The following GNAZ variants were observed in gnomAD, a reference collection of about 807,000 sequenced individuals.
GNAZ encodes guanine nucleotide-binding protein G(z) subunit alpha.
A neutral mutation model predicts 25.4 loss-of-function variants in GNAZ; 3 were observed. That is an observed-to-expected ratio of 0.12 (90% CI 0.05 to 0.30). GNAZ has a LOEUF of 0.30. GNAZ is among the 10% of genes least tolerant of loss of function. The pLI is 1.00. For missense variants in GNAZ, 241 were observed against 501.8 expected, an observed-to-expected ratio of 0.48 and a Z score of 4.97; for synonymous variants, 211 against 205.7, an observed-to-expected ratio of 1.03 and a Z score of -0.22.
intron 2 of GNAZ, chr22:23,122,671 G>A (rs2070064173): frequency 5.0e-6 from 1 of 199,016 alleles, no homozygotes; most frequent in African/African-American, 2.3e-5. Flanking sequence ...ATGTGACGGG[G>A]GCTCCTGCAG....
intron 2 of GNAZ, among the ~76,000 whole-genome samples, chr22:23,121,804 C>T (rs2070036286): frequency 6.6e-6 from 1 of 151,676 alleles, no homozygotes; most frequent in Admixed American, 6.6e-5. Context: ...TCACTGCAAC[C>T]TCCACCTCCC....
intron 1 of GNAZ, among the ~76,000 whole-genome samples, chr22:23,074,190 A>T (rs1432712800): frequency 6.6e-6 from 1 of 151,786 alleles, no homozygotes; most frequent in African/African-American, 2.4e-5. Flanking sequence ...TCCCAGGAGG[A>T]GCTAATCTAC....
At chr22:23,074,202 C>T (rs2068450400) in intron 1 of GNAZ, among the ~76,000 whole-genome samples, 1 of 152,132 alleles carries the variant, frequency 6.6e-6, no homozygotes, top group Non-Finnish European at 1.5e-5. Flanking sequence ...CTAATCTACA[C>T]TTTGAAAAGA....
intron 1 of GNAZ, among the ~76,000 whole-genome samples, chr22:23,073,552 A>G (rs761626437): frequency 1.3e-5 from 2 of 152,168 alleles, no homozygotes; most frequent in Non-Finnish European, 2.9e-5. Flanking sequence ...ACCCAAAGCC[A>G]AGAGTGCCCT....
rs1274132042 is a variant in GNAZ at position 23,095,686 on chromosome 22, C to T, written c.-10C>T. 1 of 1,595,690 alleles carries T rather than the reference C, an allele frequency of 6.3e-7. No homozygotes were observed. The highest frequency in any genetic ancestry group is 2.2e-5 in the East Asian group (1 of 44,684). ...CCGTGCTCCTTGTCTGGGCCCGCTGCTGCCAGACCATGGGATGTCGGCAAA... is the reference window on the plus strand; with the variant it reads ...CCGTGCTCCTTGTCTGGGCCCGCTGTTGCCAGACCATGGGATGTCGGCAAA... On this transcript the variant is annotated 5_prime_UTR_variant, in exon 2 of 3. Coordinates refer to ENST00000615612, the MANE Select transcript of GNAZ (RefSeq NM_002073.4).
At position 23,123,422 on chromosome 22, in the gene GNAZ, C is replaced by A. The variant is rs866931362; in HGVS notation, c.1059C>A (p.Gly353=). 19 of 1,609,392 alleles carry A rather than the reference C, an allele frequency of 1.2e-5. No individual in the cohort carries two copies. The African/African-American group carries it at 2.0e-4, about 17-fold the overall frequency. Reference sequence around the variant, plus strand: ...TACAGAACAATCTCAAGTACATTGGCCTTTGCTGAGGAGCTGGGCCCGGGG... The same window carrying A: ...TACAGAACAATCTCAAGTACATTGGACTTTGCTGAGGAGCTGGGCCCGGGG... The part of the protein sequence containing the change: ...VIIQNNLKYI[G]LC Residue 353 remains glycine (G), a synonymous_variant, in exon 3 of 3, where the codon GGC becomes GGA. Coordinates refer to ENST00000615612, the MANE Select transcript of GNAZ (RefSeq NM_002073.4).
chr22:23,106,158 G>T (rs890576814), intron 2 of GNAZ, among the ~76,000 whole-genome samples: 2 of 152,234 alleles, frequency 1.3e-5, no homozygotes, highest in African/African-American at 4.8e-5. Flanking sequence ...CAGCAACTTT[G>T]ACCAACACCC....
At chr22:23,108,659 T>C (rs553656454) in intron 2 of GNAZ, among the ~76,000 whole-genome samples, 99 of 152,210 alleles carry the variant, frequency 6.5e-4, no homozygotes, top group Non-Finnish European at 1.2e-3. Context: ...CTCAGAGCCA[T>C]AGCCCAAAAC....
chr22:23,096,088 C>A lies in GNAZ; in HGVS notation c.393C>A (p.Leu131=). The A allele has an allele frequency of 6.2e-7, 1 of 1,609,706 alleles. No homozygotes were observed. Among genetic ancestry groups the A allele is most frequent in the South Asian group, 1.1e-5 (1 of 91,082 alleles). ...AGCTGCTGGGTGTCATGCGACGGCT[C>A]TGGGCCGACCCAGGGGCACAGGCCT... ...TPELLGVMRR[L]WADPGAQACF... The change falls in exon 2 of 3, where the codon CTC becomes CTA. Residue 131 remains leucine (L), a synonymous_variant. Coordinates refer to ENST00000615612, the MANE Select transcript of GNAZ (RefSeq NM_002073.4).
chr22:23,095,070 A>T (rs2146313377), intron 1 of GNAZ, among the ~76,000 whole-genome samples, 177 bp from the exon 2 acceptor site: 1 of 152,340 alleles, frequency 6.6e-6, no homozygotes. Context: ...CATATGTGTT[A>T]CACCATGGTG....
At chr22:23,087,561 T>C (rs2068853079) in intron 1 of GNAZ, among the ~76,000 whole-genome samples, 1 of 152,218 alleles carries the variant, frequency 6.6e-6, no homozygotes. Flanking sequence ...GAGTAATTCA[T>C]GAAGAGCTGG....
Position 23,123,769 on chromosome 22 carries a change from C to G in GNAZ, c.*338C>G. ...TTGCCTTCCTGAGTTGGCCCCACTC[C>G]ACTTGGGGGTCTGCATTGGATTGTT... On this transcript the variant is annotated 3_prime_UTR_variant, in exon 3 of 3. Coordinates refer to ENST00000615612, the MANE Select transcript of GNAZ (RefSeq NM_002073.4). 1 of 310,264 alleles carries G rather than the reference C, an allele frequency of 3.2e-6. No individual in the cohort carries two copies. The highest frequency in any genetic ancestry group is 6.1e-6 in the Non-Finnish European group (1 of 164,576). 19.2% of individuals were successfully genotyped at this position (310,264 alleles called of 1,614,324 possible). A position where few individuals can be genotyped will look rare whatever the true frequency, so the allele number is the denominator to read the frequency against.
chr22:23,089,306 G>A (rs1399211153), intron 1 of GNAZ, among the ~76,000 whole-genome samples: 3 of 152,178 alleles, frequency 2.0e-5, no homozygotes, highest in Non-Finnish European at 4.4e-5. Flanking sequence ...TGCTGTGCTG[G>A]CTGTTGTGGA....
intron 2 of GNAZ, among the ~76,000 whole-genome samples, chr22:23,102,827 G>T (rs1166439267): frequency 1.3e-5 from 2 of 152,178 alleles, no homozygotes; most frequent in African/African-American, 4.8e-5. Flanking sequence ...CCATGATGAC[G>T]TTGTCAGGTG....
chr22:23,107,178 A>G (rs2069507420), intron 2 of GNAZ, among the ~76,000 whole-genome samples: 1 of 152,202 alleles, frequency 6.6e-6, no homozygotes, highest in Non-Finnish European at 1.5e-5. Flanking sequence ...TACAGTTGTC[A>G]CCAGGCATAG....
chr22:23,097,622 G>A (rs2069165928), intron 2 of GNAZ, among the ~76,000 whole-genome samples: 1 of 152,266 alleles, frequency 6.6e-6, no homozygotes, highest in Non-Finnish European at 1.5e-5. Flanking sequence ...TGTTCCCAGT[G>A]TGTATCTGTG....
intron 2 of GNAZ, among the ~76,000 whole-genome samples, chr22:23,102,863 C>G (rs1325950162): frequency 6.6e-6 from 1 of 152,232 alleles, no homozygotes; most frequent in Non-Finnish European, 1.5e-5. Flanking sequence ...CATGGGGATG[C>G]CCATGGTGTT....
At chr22:23,080,538 CAAAG>C (rs2068646918) in intron 1 of GNAZ, among the ~76,000 whole-genome samples, 2 of 152,200 alleles carry the variant, frequency 1.3e-5, no homozygotes, top group Non-Finnish European at 2.9e-5. Flanking sequence ...TTTGAGGAGG[CAAAG>C]AAAGGAGGAC....
At chr22:23,078,488 CA>C (rs57845933) in intron 1 of GNAZ, among the ~76,000 whole-genome samples, 20,604 of 152,252 alleles carry the variant, frequency 0.14, 1,607 homozygotes, top group East Asian at 0.32. Context: ...CTGACACCCC[CA>C]TCTCTGTCGT....
Sources: allele counts gnomAD v4.1 joint callset (sites outside exome capture counted in the v4.1 genomes callset), GRCh38; gene constraint gnomAD v4.1.1; transcripts MANE v1.5; gene names NCBI Gene and HGNC (gene_info 2026-07-23, HGNC 2026-07-21).